CNTN5: variants seen among roughly 807,000 people sequenced by gnomAD.
CNTN5 encodes the protein contactin 5, also known as contactin-5.
A neutral mutation model predicts 129.1 loss-of-function variants in CNTN5; 77 were observed. The observed-to-expected ratio is 0.60, with a 90% CI of 0.50 to 0.72. The LOEUF is 0.72. Ranked by LOEUF, CNTN5 falls within the 30% of genes least tolerant of loss-of-function variation. The pLI, the probability that CNTN5 is intolerant of heterozygous loss-of-function variation, is 0.00. For synonymous variants in CNTN5, 509 were observed against 465.6 expected, an observed-to-expected ratio of 1.09 and a Z score of -1.20; for missense variants, 1,478 against 1,328.8, an observed-to-expected ratio of 1.11 and a Z score of -1.75.
chr11:100,126,594 A>T (rs1264599746), intron 13 of CNTN5, among the ~76,000 whole-genome samples: 1 of 152,066 alleles, frequency 6.6e-6, no homozygotes, highest in Non-Finnish European at 1.5e-5. Flanking sequence ...TGATATAAGA[A>T]TAGTAACTTC....
intron 12 of CNTN5, among the ~76,000 whole-genome samples, chr11:100,072,990 CAAAAAAAA>C (rs61042118): frequency 1.9e-4 from 15 of 79,074 alleles, no homozygotes; most frequent in South Asian, 1.3e-3. Flanking sequence ...TCCCAGGAGG[CAAAAAAAA>C]AAAAAAAAAA....
At chr11:99,993,942 T>C (rs1407481164) in intron 8 of CNTN5, among the ~76,000 whole-genome samples, 1 of 152,184 alleles carries the variant, frequency 6.6e-6, no homozygotes, top group Non-Finnish European at 1.5e-5. Flanking sequence ...ATAGCCCAAA[T>C]TAGGTAAAAT....
chr11:99,323,496 A>G (rs549258846), intron 1 of CNTN5, among the ~76,000 whole-genome samples: 1 of 152,240 alleles, frequency 6.6e-6, no homozygotes, highest in South Asian at 2.1e-4. Context: ...ATAATTAGTG[A>G]TACTTCTTAT....
At chr11:99,606,609 T>C (rs9704904) in intron 3 of CNTN5, among the ~76,000 whole-genome samples, 24,904 of 133,452 alleles carry the variant, frequency 0.19, 2,794 homozygotes, top group South Asian at 0.29. Context: ...TTAAAGTTCA[T>C]ATGGAACCAA....
chr11:99,655,444 T>G (rs1358130850), intron 3 of CNTN5, among the ~76,000 whole-genome samples: 1 of 152,134 alleles, frequency 6.6e-6, no homozygotes, highest in Non-Finnish European at 1.5e-5. Flanking sequence ...AAGTTAGATA[T>G]GCAGACTGGG....
Position 99,080,999 on chromosome 11 carries a change from T to TTTTC in CNTN5, c.-210+59729_-210+59730insTTTC, listed in dbSNP as rs1365332896. Reference sequence around the variant, plus strand: ...AAATCAGTTTTTTTTTTTTTTTTTTTCAGAAGAACATATACCCTGTTGTCA... The same window carrying TTTTC: ...AAATCAGTTTTTTTTTTTTTTTTTTTTTTCCAGAAGAACATATACCCTGTTGTCA... On this transcript the variant is annotated intron_variant, in intron 1 of 24. Transcript: ENST00000524871. Among the ~76,000 whole-genome samples the TTTTC allele has an allele frequency of 3.0e-4, 46 of 150,886 alleles. 1 individual carries two copies. The highest frequency in any genetic ancestry group is 1.1e-3 in the African/African-American group (44 of 40,968).
At chr11:99,901,054 T>C (rs1949343637) in intron 6 of CNTN5, among the ~76,000 whole-genome samples, 1 of 152,178 alleles carries the variant, frequency 6.6e-6, no homozygotes, top group African/African-American at 2.4e-5. Flanking sequence ...TTCTCTGAGC[T>C]TCAGTTTCTC....
intron 13 of CNTN5, among the ~76,000 whole-genome samples, chr11:100,185,250 G>A (rs1948263598): frequency 6.6e-6 from 1 of 152,074 alleles, no homozygotes; most frequent in Non-Finnish European, 1.5e-5. Flanking sequence ...GTAAAATGAA[G>A]TTTTACTGGA....
At chr11:99,455,107 A>G (rs1365988995) in intron 2 of CNTN5, among the ~76,000 whole-genome samples, 1 of 152,176 alleles carries the variant, frequency 6.6e-6, no homozygotes, top group Non-Finnish European at 1.5e-5. Context: ...GGTTAATAGG[A>G]TTATTTGGCT....
chr11:99,376,851 C>T (rs1331355859), intron 2 of CNTN5, among the ~76,000 whole-genome samples: 1 of 152,186 alleles, frequency 6.6e-6, no homozygotes, highest in Non-Finnish European at 1.5e-5. Context: ...AAAATCCTTT[C>T]TATTCTCATG....
chr11:99,540,075 T>C (rs1381941946), intron 2 of CNTN5, among the ~76,000 whole-genome samples: 1 of 152,180 alleles, frequency 6.6e-6, no homozygotes, highest in Non-Finnish European at 1.5e-5. Context: ...AAGGACTCTC[T>C]TTGTTGTGCT....
intron 8 of CNTN5, among the ~76,000 whole-genome samples, 174 bp from the exon 9 acceptor site, chr11:100,001,860 C>A (rs1468983168): frequency 6.6e-6 from 1 of 152,078 alleles, no homozygotes; most frequent in Non-Finnish European, 1.5e-5. Flanking sequence ...ACTAGGATTT[C>A]ATCAAAATGA....
intron 1 of CNTN5, among the ~76,000 whole-genome samples, chr11:99,180,297 A>T (rs554592062): frequency 6.6e-6 from 1 of 152,188 alleles, no homozygotes; most frequent in Admixed American, 6.6e-5. Context: ...TCACCAGACT[A>T]TGGAGGATTC....
chr11:99,242,973 A>G (rs1050629737), intron 1 of CNTN5, among the ~76,000 whole-genome samples: 1 of 152,186 alleles, frequency 6.6e-6, no homozygotes, highest in East Asian at 1.9e-4. Context: ...TGGCAGAATG[A>G]TTTTTATTCT....
intron 2 of CNTN5, among the ~76,000 whole-genome samples, chr11:99,450,559 A>G (rs1175176970): frequency 1.3e-5 from 2 of 152,134 alleles, no homozygotes; most frequent in Non-Finnish European, 2.9e-5. Flanking sequence ...CAAAGTTTAA[A>G]TGTGTTCAGT....
chr11:99,361,297 C>T (rs905053293), intron 2 of CNTN5, among the ~76,000 whole-genome samples: 3 of 152,084 alleles, frequency 2.0e-5, no homozygotes, highest in Non-Finnish European at 4.4e-5. Flanking sequence ...CTATCCAATA[C>T]CCAGTTTAAC....
chr11:99,964,949 G>C (rs1188996459), intron 8 of CNTN5, among the ~76,000 whole-genome samples: 1 of 152,196 alleles, frequency 6.6e-6, no homozygotes, highest in Non-Finnish European at 1.5e-5. Context: ...TATTTGCGTA[G>C]AGATGTTTAC....
intron 2 of CNTN5, among the ~76,000 whole-genome samples, chr11:99,447,756 C>T (rs1456480365): frequency 6.6e-6 from 1 of 152,122 alleles, no homozygotes; most frequent in East Asian, 1.9e-4. Flanking sequence ...GAAATCCCAT[C>T]TCTACTAAAA....
intron 3 of CNTN5, among the ~76,000 whole-genome samples, chr11:99,670,236 A>C (rs559664208): frequency 1.3e-5 from 2 of 152,312 alleles, no homozygotes; most frequent in South Asian, 4.1e-4. Flanking sequence ...ACCCAACAGC[A>C]TAAGGTAGAT....
Sources: allele counts gnomAD v4.1 joint callset (sites outside exome capture counted in the v4.1 genomes callset), GRCh38; gene constraint gnomAD v4.1.1; transcripts MANE v1.5; gene names NCBI Gene and HGNC (gene_info 2026-07-23, HGNC 2026-07-21).